CCSER1: variants seen among roughly 807,000 people sequenced by gnomAD.
CCSER1 encodes coiled-coil serine rich protein 1, also known as serine-rich coiled-coil domain-containing protein 1.
In CCSER1, 41 loss-of-function variants were observed where a neutral mutation model predicts 82.0. The observed-to-expected ratio is 0.50, with a 90% CI of 0.39 to 0.65. CCSER1 has a LOEUF of 0.65. CCSER1 is among the 30% of genes least tolerant of loss of function. The probability of loss-of-function intolerance (pLI) is 0.00; values close to 1 mark genes in which losing one functional copy is unlikely to be tolerated. For synonymous variants in CCSER1, 414 were observed against 383.9 expected (o/e 1.08, Z -0.92); for missense variants, 1,119 against 1,064.2 (o/e 1.05, Z -0.72).
intron 1 of CCSER1, among the ~76,000 whole-genome samples, chr4:90,156,620 T>G (rs1728247135): frequency 6.6e-6 from 1 of 152,228 alleles, no homozygotes; most frequent in Non-Finnish European, 1.5e-5. Flanking sequence ...CCCTTTACCA[T>G]TATGTAATGG....
chr4:91,443,649 T>G (rs1251293788), intron 10 of CCSER1, among the ~76,000 whole-genome samples: 2 of 149,678 alleles, frequency 1.3e-5, no homozygotes, highest in Admixed American at 6.7e-5. Flanking sequence ...AAACTTAAAG[T>G]ATAATAATAA....
chr4:91,353,375 C>T lies in CCSER1; in HGVS notation c.2218-245197C>T, dbSNP rs139395595. Among the ~76,000 whole-genome samples the T allele has an allele frequency of 1.1e-4, 17 of 152,254 alleles. No individual in the cohort carries two copies. In the East Asian group the frequency reaches 3.1e-3, roughly 28 times the overall value. ...AAACAGAACAGGGCAGGGAGTTTCA[C>T]GATGTTCTTCTATACAATGTCTGTA... On this transcript the variant is annotated intron_variant, in intron 10 of 10. Coordinates refer to ENST00000509176, the MANE Select transcript of CCSER1 (RefSeq NM_001145065.2).
intron 10 of CCSER1, among the ~76,000 whole-genome samples, chr4:91,451,811 TAGTA>T (rs1292222181): frequency 2.6e-5 from 4 of 151,972 alleles, no homozygotes; most frequent in Non-Finnish European, 5.9e-5. Context: ...AAAACTTTAG[TAGTA>T]AGTAATTTAA....
intron 10 of CCSER1, among the ~76,000 whole-genome samples, chr4:91,179,822 T>G (rs1176759420): frequency 6.6e-6 from 1 of 152,248 alleles, no homozygotes; most frequent in East Asian, 1.9e-4. Flanking sequence ...TCAAAGTCAT[T>G]CTCTGTCTAG....
intron 10 of CCSER1, among the ~76,000 whole-genome samples, chr4:91,243,428 G>A (rs1352200796): frequency 6.6e-6 from 1 of 151,124 alleles, no homozygotes; most frequent in African/African-American, 2.5e-5. Flanking sequence ...GACACCAGCT[G>A]CTGGCACAGC....
intron 10 of CCSER1, among the ~76,000 whole-genome samples, chr4:91,164,871 C>G (rs1731860810): frequency 6.6e-6 from 1 of 152,190 alleles, no homozygotes; most frequent in Admixed American, 6.5e-5. Context: ...GCAATGGGTT[C>G]AAACGTCTTC....
chr4:91,377,424 T>A (rs1750512042), intron 10 of CCSER1, among the ~76,000 whole-genome samples: 1 of 152,170 alleles, frequency 6.6e-6, no homozygotes, highest in South Asian at 2.1e-4. Flanking sequence ...GTTTCCTGAC[T>A]TTTTAATGAT....
chr4:90,835,861 G>C (rs1438772696), intron 8 of CCSER1, among the ~76,000 whole-genome samples: 1 of 152,164 alleles, frequency 6.6e-6, no homozygotes, highest in Admixed American at 6.5e-5. Flanking sequence ...ATTGTGAAAT[G>C]TTTGCCTTAT....
At chr4:90,333,891 C>T (rs909835438) in intron 3 of CCSER1, among the ~76,000 whole-genome samples, 1 of 152,158 alleles carries the variant, frequency 6.6e-6, no homozygotes, top group Non-Finnish European at 1.5e-5. Context: ...TAGACAAAAA[C>T]ATTTGTATCA....
At chr4:90,454,062 C>G (rs938850210) in intron 4 of CCSER1, among the ~76,000 whole-genome samples, 2 of 152,120 alleles carry the variant, frequency 1.3e-5, no homozygotes, top group African/African-American at 4.8e-5. Context: ...GTCTCCATTA[C>G]CTACTGGACA....
chr4:91,490,212 A>G (rs145236613), intron 10 of CCSER1, among the ~76,000 whole-genome samples: 72 of 152,284 alleles, frequency 4.7e-4, no homozygotes, highest in Non-Finnish European at 1.6e-4. Context: ...AATAGAAGTA[A>G]CATATGATCT....
rs1581770586 is a variant in CCSER1, at chr4:91,206,783, A to G, written c.2217+120789A>G. Among the ~76,000 whole-genome samples, 4 of 152,010 alleles carry G rather than the reference A, an allele frequency of 2.6e-5. No individual in the cohort carries two copies. The South Asian group carries it at 6.2e-4, about 24-fold the overall frequency. ...CAGCCAGACTCTGTCCTGTTTCACA[A>G]GAGATACGAGAAGTACCTCTACTTT... is the stretch of plus-strand genomic sequence containing the variant. On this transcript the variant is annotated intron_variant, in intron 10 of 10. Coordinates refer to ENST00000509176, the MANE Select transcript of CCSER1 (RefSeq NM_001145065.2).
At chr4:90,664,770 C>CTT (rs1271830125) in intron 6 of CCSER1, among the ~76,000 whole-genome samples, 1 of 152,012 alleles carries the variant, frequency 6.6e-6, no homozygotes, top group Non-Finnish European at 1.5e-5. Flanking sequence ...AATGGTGGCA[C>CTT]ATGCCTGTAA....
At chr4:91,575,671 C>T (rs1763418058) in intron 10 of CCSER1, among the ~76,000 whole-genome samples, 1 of 151,488 alleles carries the variant, frequency 6.6e-6, no homozygotes, top group African/African-American at 2.4e-5. Context: ...TGAAAAATAG[C>T]TAAAATAATT....
chr4:90,987,425 C>A (rs10516882), intron 9 of CCSER1, among the ~76,000 whole-genome samples: 21,417 of 151,322 alleles, frequency 0.14, 1,680 homozygotes, highest in Admixed American at 0.2. Context: ...CTAGACTTGC[C>A]TTCTCCTGTA....
chr4:90,333,682 G>C (rs999398242), intron 3 of CCSER1, among the ~76,000 whole-genome samples: 2 of 152,144 alleles, frequency 1.3e-5, no homozygotes, highest in South Asian at 2.1e-4. Context: ...GTTTAAAAAT[G>C]ATTTTTTACA....
Position 90,873,228 on chromosome 4 carries a change from G to A in CCSER1, c.2095-50142G>A, listed in dbSNP as rs1424707406. On this transcript the variant is annotated intron_variant, in intron 8 of 10. Coordinates refer to ENST00000509176, the MANE Select transcript of CCSER1 (RefSeq NM_001145065.2). Reference sequence around the variant, plus strand: ...TGACTTTTAGATTTTCTCTTTTGAGGTTGTTTTCTAAATCTTACAGACTGC... The same window carrying A: ...TGACTTTTAGATTTTCTCTTTTGAGATTGTTTTCTAAATCTTACAGACTGC... 2.0e-5 allele frequency among the ~76,000 whole-genome samples: 3 copies of A among 152,012 alleles called. No individual in the cohort carries two copies. The East Asian group carries it at 5.8e-4, about 29-fold the overall frequency.
rs115691871 is a variant in CCSER1 at position 90,596,189 on chromosome 4, G to A, written c.1725-31836G>A. Among the ~76,000 whole-genome samples, 1,383 of 151,598 alleles carry A rather than the reference G, an allele frequency of 9.1e-3. 20 individuals carry two copies. Among genetic ancestry groups the A allele is most frequent in the African/African-American group, 0.029 (1,188 of 41,418 alleles). On this transcript the variant is annotated intron_variant, in intron 5 of 10. Transcript: ENST00000509176. The stretch of plus-strand genomic sequence containing the variant: ...ATTAAACTACAAGAATTAAAAGAAC[G>A]CACACTAAAAACATGTGTTAAACTA...
At chr4:90,439,951 T>C (rs1425415071) in intron 4 of CCSER1, among the ~76,000 whole-genome samples, 1 of 152,188 alleles carries the variant, frequency 6.6e-6, no homozygotes, top group African/African-American at 2.4e-5. Context: ...TATGAAACAA[T>C]TGATATAGAC....
Sources: gnomAD v4.1 joint callset for allele counts (sites outside exome capture counted in the v4.1 genomes callset) on GRCh38, gnomAD v4.1.1 for gene constraint, MANE v1.5 for transcripts, NCBI Gene and HGNC (gene_info 2026-07-23, HGNC 2026-07-21) for gene names.